RBFOX1: variants seen among roughly 807,000 people sequenced by gnomAD.
The protein encoded by RBFOX1 is RNA binding fox-1 homolog 1.
In RBFOX1, 8 loss-of-function variants were observed where a neutral mutation model predicts 57.7. That is an observed-to-expected ratio of 0.14 (90% CI 0.08 to 0.25). The LOEUF is 0.25. RBFOX1 is among the 10% of genes least tolerant of loss of function. The probability of loss-of-function intolerance (pLI) is 1.00; values close to 1 mark genes in which losing one functional copy is unlikely to be tolerated. For synonymous variants in RBFOX1, 326 were observed against 222.4 expected, an observed-to-expected ratio of 1.47 and a Z score of -4.15; for missense variants, 611 against 548.5, an observed-to-expected ratio of 1.11 and a Z score of -1.14.
rs895618340 is a variant in RBFOX1 at position 7,403,633 on chromosome 16, G to A, written c.28-114514G>A. Among the ~76,000 whole-genome samples the A allele has an allele frequency of 1.4e-3, 193 of 134,610 alleles. 1 individual carries two copies. The highest frequency in any genetic ancestry group is 4.6e-3 in the African/African-American group (168 of 36,334). 88.3% of individuals were successfully genotyped at this position (134,610 alleles called of 152,430 possible). ...ACAATCTCAGGTCAGGGCAACCTCC[G>A]CCTCCCAAGTTCAAGTGATTCTCCT... On this transcript the variant is annotated intron_variant, in intron 4 of 15. Transcript: ENST00000550418.
intron 3 of RBFOX1, among the ~76,000 whole-genome samples, chr16:7,000,763 C>T (rs1485242412): frequency 6.6e-6 from 1 of 151,844 alleles, no homozygotes; most frequent in Non-Finnish European, 1.5e-5. Context: ...CGCCATCATG[C>T]CTGGCTAACT....
chr16:6,662,277 A>G (rs1419470495), intron 3 of RBFOX1, among the ~76,000 whole-genome samples: 1 of 151,410 alleles, frequency 6.6e-6, no homozygotes, highest in African/African-American at 2.4e-5. Flanking sequence ...GTAGATCTCA[A>G]CTGTTCTCAC....
At chr16:6,655,423 A>C (rs2098642763) in intron 3 of RBFOX1, among the ~76,000 whole-genome samples, 2 of 140,014 alleles carry the variant, frequency 1.4e-5, no homozygotes, top group Admixed American at 1.6e-4. Context: ...CTCAATTTCC[A>C]TCACAACACA....
chr16:6,456,345 G>A (rs1456578535), intron 2 of RBFOX1, among the ~76,000 whole-genome samples: 1 of 152,120 alleles, frequency 6.6e-6, no homozygotes, highest in Admixed American at 6.5e-5. Context: ...GTCTCACCCT[G>A]TCTTCCAGGC....
At chr16:6,053,143 G>C (rs1225580592) in intron 1 of RBFOX1, among the ~76,000 whole-genome samples, 4 of 152,142 alleles carry the variant, frequency 2.6e-5, no homozygotes, top group Non-Finnish European at 5.9e-5. Context: ...CACACAGTGA[G>C]GCCTCCGCTA....
intron 4 of RBFOX1, among the ~76,000 whole-genome samples, chr16:7,163,915 C>G (rs536689750): frequency 7.2e-5 from 11 of 152,180 alleles, no homozygotes; most frequent in Non-Finnish European, 1.5e-4. Context: ...CCACTTCAGC[C>G]TCCCAAAGTA....
intron 2 of RBFOX1, among the ~76,000 whole-genome samples, chr16:5,498,683 G>A (rs1362199038): frequency 1.3e-5 from 2 of 152,130 alleles, no homozygotes; most frequent in African/African-American, 2.4e-5. Context: ...TTTGAGAGAT[G>A]GATACTCACA....
At chr16:6,174,056 C>G (rs771706598) in intron 1 of RBFOX1, among the ~76,000 whole-genome samples, 7 of 152,108 alleles carry the variant, frequency 4.6e-5, no homozygotes, top group Non-Finnish European at 1.0e-4. Flanking sequence ...ACTGCATATA[C>G]TTTTTTATTC....
chr16:6,127,362 A>AT lies in RBFOX1; in HGVS notation c.-127+107379dup, dbSNP rs1221973190. 4.0e-5 allele frequency among the ~76,000 whole-genome samples: 6 copies of AT among 150,308 alleles called. No individual in the cohort carries two copies. The South Asian group carries it at 1.3e-3, about 32-fold the overall frequency. Reference sequence around the variant, plus strand: ...TCAAGCACCTGCTCTAGTTCCCATTATTTTTTTTTAAAAATTGCTCTCTGT... The same window carrying AT: ...TCAAGCACCTGCTCTAGTTCCCATTATTTTTTTTTTAAAAATTGCTCTCTGT... On this transcript the variant is annotated intron_variant, in intron 1 of 15. Coordinates refer to ENST00000550418, the MANE Select transcript of RBFOX1 (RefSeq NM_018723.4).
intron 3 of RBFOX1, among the ~76,000 whole-genome samples, chr16:6,728,677 A>G (rs1489200136): frequency 1.3e-5 from 2 of 152,176 alleles, no homozygotes; most frequent in African/African-American, 4.8e-5. Context: ...AAATAGCAAT[A>G]AAATTGGGTT....
At chr16:7,174,797 AAAAC>A (rs1444343151) in intron 4 of RBFOX1, among the ~76,000 whole-genome samples, 3 of 152,180 alleles carry the variant, frequency 2.0e-5, no homozygotes, top group African/African-American at 4.8e-5. Flanking sequence ...ACAGACAAAC[AAAAC>A]AAACAAACCA....
chr16:5,895,471 G>A (rs181893066), intron 4 of RBFOX1, among the ~76,000 whole-genome samples: 2 of 152,294 alleles, frequency 1.3e-5, no homozygotes, highest in South Asian at 2.1e-4. Context: ...AGAAGAAAAC[G>A]TACGTGATTG....
chr16:5,340,687 C>T (rs575336636), intron 1 of RBFOX1, among the ~76,000 whole-genome samples: 57 of 152,290 alleles, frequency 3.7e-4, no homozygotes, highest in African/African-American at 1.4e-3. Flanking sequence ...GGAGCAGCAG[C>T]TAATAACTTA....
intron 4 of RBFOX1, among the ~76,000 whole-genome samples, chr16:7,175,633 C>A (rs2081510277): frequency 1.3e-5 from 2 of 152,140 alleles, no homozygotes; most frequent in African/African-American, 4.8e-5. Context: ...ATTATCTCAC[C>A]CCAACAGCTG....
chr16:6,834,143 G>A (rs1038602557), intron 3 of RBFOX1, among the ~76,000 whole-genome samples: 2 of 151,642 alleles, frequency 1.3e-5, no homozygotes, highest in African/African-American at 4.8e-5. Context: ...CATCCCACTC[G>A]GCTCACCACA....
At chr16:6,274,857 G>A (rs1262649484) in intron 1 of RBFOX1, among the ~76,000 whole-genome samples, 1 of 152,178 alleles carries the variant, frequency 6.6e-6, no homozygotes. Context: ...TCCTACATAG[G>A]CTGTTCTTTT....
At chr16:5,407,235 A>T (rs2066891832) in intron 1 of RBFOX1, among the ~76,000 whole-genome samples, 1 of 152,108 alleles carries the variant, frequency 6.6e-6, no homozygotes, top group Non-Finnish European at 1.5e-5. Context: ...CATGGGGGAA[A>T]CTGCTCCATG....
chr16:7,214,778 C>G (rs1468474625), intron 4 of RBFOX1, among the ~76,000 whole-genome samples: 1 of 152,162 alleles, frequency 6.6e-6, no homozygotes, highest in Non-Finnish European at 1.5e-5. Context: ...GTCTCAATCT[C>G]ACCCCTGCAA....
At chr16:5,454,744 T>TTTCC (rs1555523983) in intron 1 of RBFOX1, among the ~76,000 whole-genome samples, 2 of 118,654 alleles carry the variant, frequency 1.7e-5, no homozygotes, top group Admixed American at 1.7e-4. Flanking sequence ...TCTTTCTTTC[T>TTTCC]TTTTCTTTTC....
Sources: gnomAD v4.1 joint callset for allele counts (sites outside exome capture counted in the v4.1 genomes callset) on GRCh38, gnomAD v4.1.1 for gene constraint, MANE v1.5 for transcripts, NCBI Gene and HGNC (gene_info 2026-07-23, HGNC 2026-07-21) for gene names.